Variants in TMEM51 observed in about 807,000 individuals in gnomAD.
TMEM51 encodes chromosome 1 open reading frame 72.
Under a neutral mutation model 13.6 loss-of-function variants are expected in TMEM51, and 8 were observed. That is an observed-to-expected ratio of 0.59 (90% CI 0.35 to 1.07). TMEM51 has a LOEUF of 1.07. Among genes scored for constraint, TMEM51 ranks in the 50% least tolerant of loss-of-function variants. The pLI, the probability that TMEM51 is intolerant of heterozygous loss-of-function variation, is 0.02. For missense variants in TMEM51, 279 were observed against 330.7 expected (o/e 0.84, Z 1.21); for synonymous variants, 147 against 144.4 (o/e 1.02, Z -0.13).
chr1:15,211,298 A>G (rs1287375801), intron 2 of TMEM51, among the ~76,000 whole-genome samples: 1 of 152,172 alleles, frequency 6.6e-6, no homozygotes, highest in African/African-American at 2.4e-5. Flanking sequence ...CTGTGTATCT[A>G]TTTATATTCT....
intron 1 of TMEM51, among the ~76,000 whole-genome samples, chr1:15,154,266 C>T (rs1391772476): frequency 1.3e-5 from 2 of 152,210 alleles, no homozygotes; most frequent in Admixed American, 1.3e-4. Flanking sequence ...CGGCGGGCTT[C>T]GAACCCTTGG....
intron 1 of TMEM51, among the ~76,000 whole-genome samples, chr1:15,189,328 T>TTAC (rs1182622179): frequency 1.3e-5 from 2 of 150,838 alleles, no homozygotes; most frequent in Non-Finnish European, 3.0e-5. Context: ...AGTGCTGGGA[T>TTAC]TACAGGCGTG....
intron 1 of TMEM51, among the ~76,000 whole-genome samples, chr1:15,184,893 G>A (rs1236212918): frequency 6.6e-6 from 1 of 151,892 alleles, no homozygotes; most frequent in Non-Finnish European, 1.5e-5. Flanking sequence ...GTATCTAGTA[G>A]GTAGAGACCA....
chr1:15,206,228 CAAAA>C (rs71000380), intron 1 of TMEM51, among the ~76,000 whole-genome samples: 13 of 94,196 alleles, frequency 1.4e-4, no homozygotes, highest in South Asian at 3.8e-4. Flanking sequence ...GAGACCCTGT[CAAAA>C]AAAAAAAAAA....
intron 1 of TMEM51, among the ~76,000 whole-genome samples, chr1:15,198,241 A>G (rs978285896): frequency 6.6e-6 from 1 of 151,946 alleles, no homozygotes; most frequent in African/African-American, 2.4e-5. Flanking sequence ...CCCACCCCCT[A>G]TACACACCCT....
chr1:15,153,178 G>A (rs1294358817), upstream of TMEM51, among the ~76,000 whole-genome samples: 2 of 152,192 alleles, frequency 1.3e-5, no homozygotes, highest in East Asian at 1.9e-4. Flanking sequence ...CACCTCGCTG[G>A]GAACCAGCCC....
intron 1 of TMEM51, among the ~76,000 whole-genome samples, chr1:15,183,693 G>C (rs1369827048): frequency 6.6e-6 from 1 of 152,184 alleles, no homozygotes; most frequent in Non-Finnish European, 1.5e-5. Flanking sequence ...TTACACCAGG[G>C]ATGTGGGCTA....
intron 1 of TMEM51, among the ~76,000 whole-genome samples, chr1:15,159,906 G>A (rs1642718153): frequency 6.6e-6 from 1 of 152,172 alleles, no homozygotes; most frequent in African/African-American, 2.4e-5. Context: ...GGCCTGAGAG[G>A]CCTTTGAGAT....
intron 1 of TMEM51, among the ~76,000 whole-genome samples, chr1:15,195,213 G>A (rs1416166126): frequency 5.9e-5 from 9 of 152,038 alleles, no homozygotes; most frequent in African/African-American, 1.2e-4. Context: ...GATTACAAGC[G>A]TGGGCCACTG....
intron 1 of TMEM51, among the ~76,000 whole-genome samples, chr1:15,173,369 A>C (rs1643359532): frequency 6.6e-6 from 1 of 151,994 alleles, no homozygotes. Context: ...ACAAGCGCAC[A>C]CTACCACGCC....
intron 1 of TMEM51, among the ~76,000 whole-genome samples, chr1:15,177,577 G>T (rs4661590): frequency 0.13 from 19,353 of 152,222 alleles, 1,604 homozygotes; most frequent in South Asian, 0.18. Flanking sequence ...CAGACTGAAG[G>T]GGGGGGCCTG....
rs192414799 is a variant in TMEM51 at position 15,209,307 on chromosome 1, G to A, written c.-266-1183G>A. 3.4e-3 allele frequency among the ~76,000 whole-genome samples: 511 copies of A among 151,532 alleles called. 4 individuals are homozygous for A. The highest frequency in any genetic ancestry group is 4.1e-3 in the Non-Finnish European group (277 of 67,924). On this transcript the variant is annotated intron_variant, in intron 1 of 3. Coordinates refer to ENST00000376008, the MANE Select transcript of TMEM51 (RefSeq NM_001136218.2). The stretch of plus-strand genomic sequence containing the variant: ...AGACATGGTCTCACTATAGTGCCCA[G>A]GCTAGTCTCGAACTCCTGAGCTCAA...
In TMEM51 at chr1:15,187,397, T is replaced by C. The variant is rs1256081524; in HGVS notation, c.-266-23093T>C. 2.0e-5 allele frequency among the ~76,000 whole-genome samples: 3 copies of C among 152,188 alleles called. No individual in the cohort carries two copies. The South Asian group carries it at 6.2e-4, about 31-fold the overall frequency. On this transcript the variant is annotated intron_variant, in intron 1 of 3. Transcript: ENST00000376008. ...CCTGCCCCTGGCCCCTAGCATGTGG[T>C]CTCACTGCGGCTTCTTCTCTCTTTG...
chr1:15,211,803 G>A (rs1185846424), intron 2 of TMEM51, among the ~76,000 whole-genome samples: 1 of 136,262 alleles, frequency 7.3e-6, no homozygotes, highest in Non-Finnish European at 1.6e-5. Context: ...AGCAATCATG[G>A]TACAAGTCTG....
At chr1:15,213,251 G>T (rs1318043246) in intron 2 of TMEM51, among the ~76,000 whole-genome samples, 1 of 152,218 alleles carries the variant, frequency 6.6e-6, no homozygotes, top group East Asian at 1.9e-4. Context: ...GTGAAAAAAA[G>T]AAGGAACAGA....
intron 1 of TMEM51, among the ~76,000 whole-genome samples, chr1:15,193,032 T>C (rs1381189972): frequency 6.6e-6 from 1 of 152,168 alleles, no homozygotes; most frequent in Non-Finnish European, 1.5e-5. Context: ...CACCCGCCAG[T>C]TCCCGGGGGC....
rs1431189731 is a variant in TMEM51, at chr1:15,160,462, T to C, written c.-267+6508T>C. Among the ~76,000 whole-genome samples the C allele has an allele frequency of 1.6e-3, 236 of 151,138 alleles. 2 individuals are homozygous for C. Among genetic ancestry groups the C allele is most frequent in the African/African-American group, 5.2e-3 (209 of 40,554 alleles). On this transcript the variant is annotated intron_variant, in intron 1 of 3. Transcript: ENST00000376008. Reference sequence around the variant, plus strand: ...CCAATTTTTGTATTTTTAATAGAGATAGGGTTTCACCATGTTGGCCAAGCT... The same window carrying C: ...CCAATTTTTGTATTTTTAATAGAGACAGGGTTTCACCATGTTGGCCAAGCT...
intron 1 of TMEM51, among the ~76,000 whole-genome samples, chr1:15,169,840 G>A (rs1643175146): frequency 6.6e-6 from 1 of 152,098 alleles, no homozygotes; most frequent in East Asian, 1.9e-4. Flanking sequence ...AATACGCAAA[G>A]AATAAAAATT....
rs767859599 is a variant in TMEM51 at position 15,215,192 on chromosome 1, C to T, written c.105C>T (p.Pro35=). Residue 35 remains proline (P), a synonymous_variant, in exon 3 of 4, where the codon CCC becomes CCT. Transcript: ENST00000376008. ...TCATGGCCATGTGGAACCTGGTACC[C>T]GGCTTCAGCGCGGCCGAGAAGCCAA... is the stretch of plus-strand genomic sequence containing the variant. ...GVIMAMWNLV[P]GFSAAEKPTA... is the part of the protein sequence containing the mutation. The T allele has an allele frequency of 1.9e-5, 31 of 1,614,094 alleles. No individual in the cohort carries two copies. The highest frequency in any genetic ancestry group is 1.6e-4 in the South Asian group (15 of 91,082).
Sources: allele counts gnomAD v4.1 joint callset (sites outside exome capture counted in the v4.1 genomes callset), GRCh38; gene constraint gnomAD v4.1.1; transcripts MANE v1.5; gene names NCBI Gene and HGNC (gene_info 2026-07-23, HGNC 2026-07-21).